The following RNLS variants were observed in gnomAD, a reference collection of about 807,000 sequenced individuals.
The protein encoded by RNLS is renalase.
Under a neutral mutation model 39.8 loss-of-function variants are expected in RNLS, and 39 were observed. That is an observed-to-expected ratio of 0.98 (90% confidence interval 0.76 to 1.28). RNLS has a LOEUF of 1.28. Ranked by LOEUF, RNLS falls within the 50% of genes most tolerant of loss-of-function variation. RNLS has a pLI of 0.00. For missense variants in RNLS, 410 were observed against 413.3 expected (o/e 0.99, Z 0.07); for synonymous variants, 147 against 150.7 (o/e 0.98, Z 0.18).
intron 4 of RNLS, among the ~76,000 whole-genome samples, chr10:88,483,714 A>G (rs893800189): frequency 6.6e-6 from 1 of 151,938 alleles, no homozygotes; most frequent in Non-Finnish European, 1.5e-5. Flanking sequence ...TTTGCTTGCT[A>G]TATTTTGTTC....
chr10:88,250,288 A>C, the RNLS span, among the ~76,000 whole-genome samples: 2 of 152,232 alleles, frequency 1.3e-5, no homozygotes, highest in African/African-American at 4.8e-5. Flanking sequence ...AAATGAATGC[A>C]TATTTCACTC....
At chr10:88,581,451 G>T (rs1850549676) in intron 3 of RNLS, 116 bp downstream of exon 3, 3 of 848,746 alleles carry the variant, frequency 3.5e-6, no homozygotes, top group African/African-American at 1.8e-5. Context: ...CTATTGATCA[G>T]CAAATAGAGC....
chr10:88,236,180 CAA>C, the RNLS span, among the ~76,000 whole-genome samples: 1 of 152,102 alleles, frequency 6.6e-6, no homozygotes, highest in African/African-American at 2.4e-5. Flanking sequence ...TTAATTGTGT[CAA>C]AGTTCTGGAG....
At chr10:88,450,186 T>C (rs1842286874) in intron 4 of RNLS, among the ~76,000 whole-genome samples, 2 of 151,876 alleles carry the variant, frequency 1.3e-5, no homozygotes, top group South Asian at 4.2e-4. Context: ...GGGGTGGGGA[T>C]TGGAGAGAGA....
chr10:88,286,617 T>C (rs1256041428), intron 6 of RNLS, among the ~76,000 whole-genome samples: 2 of 152,070 alleles, frequency 1.3e-5, no homozygotes, highest in African/African-American at 2.4e-5. Context: ...GATGACAATA[T>C]GACAGTTCTA....
In RNLS at chr10:88,575,165, CACACACACACACACAT is replaced by C. The variant is rs1564914963; in HGVS notation, c.368-2120_368-2105del. Among the ~76,000 whole-genome samples, 17 of 50,324 alleles carry C rather than the reference CACACACACACACACAT, an allele frequency of 3.4e-4. 1 individual carries two copies. Among genetic ancestry groups the C allele is most frequent in the Admixed American group, 3.3e-3 (16 of 4,846 alleles). The allele number at this position is 50,324 out of a possible 152,430, so 33.0% of individuals were successfully genotyped here. On this transcript the variant is annotated intron_variant, in intron 3 of 6. Coordinates refer to ENST00000331772, the MANE Select transcript of RNLS (RefSeq NM_001031709.3). ...ATATATATATATATATATATACACA[CACACACACACACACAT>C]ATTATATATATATACTATATATATA... is the stretch of plus-strand genomic sequence containing the variant.
the RNLS span, among the ~76,000 whole-genome samples, chr10:88,256,066 C>A: frequency 6.6e-6 from 1 of 152,146 alleles, no homozygotes; most frequent in African/African-American, 2.4e-5. Context: ...ACAAAACCAG[C>A]CCGTGGGGAA....
At chr10:88,448,196 G>C (rs1842151772) in intron 4 of RNLS, among the ~76,000 whole-genome samples, 1 of 152,094 alleles carries the variant, frequency 6.6e-6, no homozygotes, top group South Asian at 2.1e-4. Context: ...CACAGCAAAA[G>C]AAACTACCAT....
chr10:88,572,464 C>T (rs984220870), intron 4 of RNLS, among the ~76,000 whole-genome samples: 1 of 152,180 alleles, frequency 6.6e-6, no homozygotes, highest in South Asian at 2.1e-4. Flanking sequence ...CCTTGTCATG[C>T]CTCTCGTTCA....
chr10:88,560,568 G>A (rs1472669762), intron 4 of RNLS, among the ~76,000 whole-genome samples: 1 of 152,110 alleles, frequency 6.6e-6, no homozygotes, highest in African/African-American at 2.4e-5. Flanking sequence ...TAAGCAGAGA[G>A]TAGTAGCTCC....
At chr10:88,323,017 C>T (rs1846300200) in intron 5 of RNLS, among the ~76,000 whole-genome samples, 1 of 152,082 alleles carries the variant, frequency 6.6e-6, no homozygotes, top group Non-Finnish European at 1.5e-5. Flanking sequence ...CCAAATCAAA[C>T]ACTCAATCCC....
intron 4 of RNLS, among the ~76,000 whole-genome samples, chr10:88,483,802 A>G (rs1844340592): frequency 6.6e-6 from 1 of 152,108 alleles, no homozygotes; most frequent in Non-Finnish European, 1.5e-5. Context: ...TGTACTGTGG[A>G]AGTAATTTTA....
At chr10:88,246,953 T>C in the RNLS span, among the ~76,000 whole-genome samples, 2 of 152,238 alleles carry the variant, frequency 1.3e-5, no homozygotes, top group Non-Finnish European at 2.9e-5. Flanking sequence ...TCTAGCCGTA[T>C]GGTAATTAGG....
chr10:88,267,624 C>T, the RNLS span, among the ~76,000 whole-genome samples: 2 of 152,276 alleles, frequency 1.3e-5, no homozygotes, highest in South Asian at 2.1e-4. Context: ...AGTGGTTGGA[C>T]TCCTGGATGA....
chr10:88,184,527 C>G, the RNLS span, among the ~76,000 whole-genome samples: 1 of 152,050 alleles, frequency 6.6e-6, no homozygotes, highest in East Asian at 1.9e-4. Context: ...TTTCTCCCCC[C>G]AGCCAAATGA....
the RNLS span, among the ~76,000 whole-genome samples, chr10:88,173,181 G>A: frequency 6.6e-6 from 1 of 151,982 alleles, no homozygotes; most frequent in African/African-American, 2.4e-5. Flanking sequence ...TATATGGTGA[G>A]GGATAGAAAT....
chr10:88,227,132 CT>C, the RNLS span, among the ~76,000 whole-genome samples: 2 of 152,102 alleles, frequency 1.3e-5, no homozygotes, highest in African/African-American at 4.8e-5. Flanking sequence ...CCAAAAAAGA[CT>C]GAAATGTTTA....
At chr10:88,218,328 A>T in the RNLS span, among the ~76,000 whole-genome samples, 3 of 152,250 alleles carry the variant, frequency 2.0e-5, no homozygotes, top group African/African-American at 7.2e-5. Flanking sequence ...AAGAAAAATG[A>T]ATAATATAAG....
At chr10:88,539,238 C>T (rs1449558511) in intron 4 of RNLS, among the ~76,000 whole-genome samples, 2 of 152,126 alleles carry the variant, frequency 1.3e-5, no homozygotes, top group Non-Finnish European at 2.9e-5. Context: ...TGAATAACAA[C>T]ACTGCTTTAC....
Sources: allele counts gnomAD v4.1 joint callset (sites outside exome capture counted in the v4.1 genomes callset), GRCh38; gene constraint gnomAD v4.1.1; transcripts MANE v1.5; gene names NCBI Gene and HGNC (gene_info 2026-07-23, HGNC 2026-07-21).